The following TAF1B variants were observed in gnomAD, a reference collection of about 807,000 sequenced individuals.
The protein encoded by TAF1B is TATA box-binding protein-associated factor RNA polymerase I subunit B.
Under a neutral mutation model 83.9 loss-of-function variants are expected in TAF1B, and 61 were observed. That is an observed-to-expected ratio of 0.73 (90% CI 0.59 to 0.90). The LOEUF (loss-of-function observed/expected upper bound fraction) is 0.90. Among genes scored for constraint, TAF1B ranks in the 40% least tolerant of loss-of-function variants. TAF1B has a pLI of 0.00. For synonymous variants in TAF1B, 221 were observed against 224.6 expected (o/e 0.98, Z 0.14); for missense variants, 625 against 677.0 (o/e 0.92, Z 0.85).
intron 5 of TAF1B, among the ~76,000 whole-genome samples, chr2:9,862,561 A>C (rs1663810296): frequency 6.6e-6 from 1 of 152,236 alleles, no homozygotes; most frequent in African/African-American, 2.4e-5. Flanking sequence ...CTAGCAAGGC[A>C]GGCCAACATT....
intron 8 of TAF1B, 57 bp downstream of exon 8, chr2:9,882,862 T>G: frequency 1.6e-6 from 2 of 1,227,556 alleles, no homozygotes; most frequent in Non-Finnish European, 2.3e-6. Context: ...AGTGGTATGA[T>G]AATTTCTATT....
At chr2:9,888,973 T>TG (rs35096674) in intron 8 of TAF1B, among the ~76,000 whole-genome samples, 42,066 of 151,028 alleles carry the variant, frequency 0.28, 6,841 homozygotes, top group Middle Eastern at 0.39. Context: ...CCGGCTAATT[T>TG]GTATTGTTAG....
At chr2:9,859,349 C>G (rs1199296832) in intron 5 of TAF1B, among the ~76,000 whole-genome samples, 1 of 151,614 alleles carries the variant, frequency 6.6e-6, no homozygotes, top group Non-Finnish European at 1.5e-5. Context: ...TCTGAAACCA[C>G]TTCAGCCTGG....
At chr2:9,843,868 C>T (rs1663108937) in intron 1 of TAF1B, 1 of 282,806 alleles carries the variant, frequency 3.5e-6, no homozygotes, top group East Asian at 6.1e-5. Flanking sequence ...CAGGGCTCAT[C>T]CTCGAGACTG....
chr2:9,908,028 CTTTTTTTTTTTT>C (rs57261740), intron 9 of TAF1B, among the ~76,000 whole-genome samples: 19 of 71,764 alleles, frequency 2.6e-4, no homozygotes, highest in South Asian at 1.0e-3. Flanking sequence ...GATCTTAATT[CTTTTTTTTTTTT>C]TTTTTTTTTT....
chr2:9,878,863 A>C (rs1000921814), intron 7 of TAF1B, among the ~76,000 whole-genome samples: 1 of 152,342 alleles, frequency 6.6e-6, no homozygotes, highest in Middle Eastern at 3.4e-3. Context: ...CTAACCTGAT[A>C]AATAAGAAAA....
chr2:9,908,028 CTTTTTTTTTTTTTTTTTTTTTTT>C (rs57261740), intron 9 of TAF1B, among the ~76,000 whole-genome samples: 1 of 71,754 alleles, frequency 1.4e-5, no homozygotes, highest in Non-Finnish European at 2.3e-5. Context: ...GATCTTAATT[CTTTTTTTTTTTTTTTTTTTTTTT>C]TTTTTTTTTT....
intron 5 of TAF1B, among the ~76,000 whole-genome samples, chr2:9,860,417 C>T (rs1490611190): frequency 6.6e-6 from 1 of 152,122 alleles, no homozygotes; most frequent in Non-Finnish European, 1.5e-5. Context: ...AAGAGTGCTA[C>T]AAATTCAATT....
intron 8 of TAF1B, among the ~76,000 whole-genome samples, chr2:9,903,631 A>C (rs1665254809): frequency 6.6e-6 from 1 of 152,234 alleles, no homozygotes; most frequent in African/African-American, 2.4e-5. Flanking sequence ...ATTTTTAACT[A>C]CTAGACTTAA....
intron 3 of TAF1B, among the ~76,000 whole-genome samples, chr2:9,850,877 T>G (rs1420230613): frequency 6.6e-6 from 1 of 152,220 alleles, no homozygotes; most frequent in Non-Finnish European, 1.5e-5. Context: ...TGGCACACAC[T>G]TGGCACCTAG....
At chr2:9,856,938 G>A (rs1029732871) in intron 5 of TAF1B, among the ~76,000 whole-genome samples, 4 of 152,148 alleles carry the variant, frequency 2.6e-5, no homozygotes, top group African/African-American at 9.7e-5. Context: ...TATTTCCTTA[G>A]TGCTTTGGAG....
chr2:9,889,779 A>G (rs1664808238), intron 8 of TAF1B, among the ~76,000 whole-genome samples: 1 of 152,140 alleles, frequency 6.6e-6, no homozygotes, highest in African/African-American at 2.4e-5. Context: ...TTTGTTATTA[A>G]TAGTCCCTTT....
intron 6 of TAF1B, among the ~76,000 whole-genome samples, chr2:9,872,752 A>G (rs1299209247): frequency 1.3e-5 from 2 of 152,240 alleles, no homozygotes; most frequent in African/African-American, 4.8e-5. Flanking sequence ...GTGTGTGTAC[A>G]CAACACACAT....
At chr2:9,870,715 TTCTC>T (rs773147310) in intron 6 of TAF1B, among the ~76,000 whole-genome samples, 1 of 152,172 alleles carries the variant, frequency 6.6e-6, no homozygotes, top group Non-Finnish European at 1.5e-5. Flanking sequence ...GCATTTCTCA[TTCTC>T]TCTCTTCTCA....
At chr2:9,845,061 C>T (rs928710423) in intron 1 of TAF1B, among the ~76,000 whole-genome samples, 159 bp from the exon 2 acceptor site, 1 of 152,120 alleles carries the variant, frequency 6.6e-6, no homozygotes, top group Non-Finnish European at 1.5e-5. Context: ...TACCGCGCCT[C>T]TCCTTGTTTG....
chr2:9,853,496 C>G (rs770539352), intron 4 of TAF1B, among the ~76,000 whole-genome samples: 5 of 151,500 alleles, frequency 3.3e-5, no homozygotes, highest in Non-Finnish European at 7.4e-5. Context: ...CAGACAGGGT[C>G]TTGCTCTGTC....
chr2:9,898,937 T>A (rs1406501536), intron 8 of TAF1B, among the ~76,000 whole-genome samples: 1 of 137,012 alleles, frequency 7.3e-6, no homozygotes, highest in African/African-American at 2.5e-5. Context: ...ATTCCTTTTT[T>A]CTTTTTTTTT....
At chr2:9,850,872 C>G (rs1197370684) in intron 3 of TAF1B, among the ~76,000 whole-genome samples, 3 of 152,178 alleles carry the variant, frequency 2.0e-5, no homozygotes, top group African/African-American at 7.2e-5. Context: ...ATACCTGGCA[C>G]ACACTTGGCA....
chr2:9,898,470 C>A (rs1248064319), intron 8 of TAF1B, among the ~76,000 whole-genome samples: 3 of 152,134 alleles, frequency 2.0e-5, no homozygotes, highest in African/African-American at 7.2e-5. Context: ...TGCTGTTATA[C>A]CTTATTAAGT....
Sources: allele counts gnomAD v4.1 joint callset (sites outside exome capture counted in the v4.1 genomes callset), GRCh38; gene constraint gnomAD v4.1.1; transcripts MANE v1.5; gene names NCBI Gene and HGNC (gene_info 2026-07-23, HGNC 2026-07-21).